Variants in CCDC149 observed in about 807,000 individuals in gnomAD.
CCDC149 encodes the protein coiled-coil domain containing 149.
Under a neutral mutation model 59.9 loss-of-function variants are expected in CCDC149, and 45 were observed. That is an observed-to-expected ratio of 0.75 (90% CI 0.59 to 0.96). The LOEUF (loss-of-function observed/expected upper bound fraction) is 0.96, where lower values mean the gene tolerates loss of function less well. CCDC149 is among the 40% of genes least tolerant of loss of function. The probability of loss-of-function intolerance (pLI) is 0.00; values close to 1 mark genes in which losing one functional copy is unlikely to be tolerated. For missense variants in CCDC149, 584 were observed against 664.7 expected, an observed-to-expected ratio of 0.88 and a Z score of 1.33; for synonymous variants, 245 against 260.6, an observed-to-expected ratio of 0.94 and a Z score of 0.58.
At chr4:24,843,967 T>C (rs938352279) in intron 4 of CCDC149, among the ~76,000 whole-genome samples, 1 of 152,142 alleles carries the variant, frequency 6.6e-6, no homozygotes, top group South Asian at 2.1e-4. Flanking sequence ...CCCTGGGCCT[T>C]TGCACTTCCT....
upstream of CCDC149, among the ~76,000 whole-genome samples, chr4:24,913,274 G>C (rs1051275504): frequency 6.6e-6 from 1 of 152,116 alleles, no homozygotes; most frequent in African/African-American, 2.4e-5. Flanking sequence ...TGTGTCCCCC[G>C]CAAGAAGCAA....
chr4:24,913,234 CG>C (rs1722006586), upstream of CCDC149, among the ~76,000 whole-genome samples: 2 of 152,126 alleles, frequency 1.3e-5, no homozygotes, highest in African/African-American at 2.4e-5. Context: ...CAGCGCTCTC[CG>C]CGCGGGAGGC....
At chr4:24,838,324 CA>C in intron 4 of CCDC149, 52 bp from the exon 5 acceptor site, 1 of 1,342,946 alleles carries the variant, frequency 7.4e-7, no homozygotes, top group African/African-American at 1.4e-5. Flanking sequence ...TAAACAGATC[CA>C]AATAAAAACC....
intron 1 of CCDC149, among the ~76,000 whole-genome samples, chr4:24,904,936 CTG>C (rs943441638): frequency 2.0e-5 from 3 of 152,182 alleles, no homozygotes; most frequent in African/African-American, 7.2e-5. Context: ...GAGTCGCACT[CTG>C]TCGCCCAGGC....
rs191129366 is a variant in CCDC149 at position 24,873,386 on chromosome 4, G to C, written c.264+295C>G. Among the ~76,000 whole-genome samples the C allele has an allele frequency of 2.0e-4, 30 of 152,356 alleles. No homozygotes were observed. In the East Asian group the frequency reaches 5.6e-3, roughly 28 times the overall value. ...TATATGCCCACAGCACGTGCCCACT[G>C]AACAGTAGGTAGCTCAAGTCCTGTA... On this transcript the variant is annotated intron_variant, in intron 3 of 12. Coordinates refer to ENST00000635206, the MANE Select transcript of CCDC149 (RefSeq NM_001330643.2).
At chr4:24,873,553 C>T in intron 3 of CCDC149, 128 bp downstream of exon 3, 1 of 722,874 alleles carries the variant, frequency 1.4e-6, no homozygotes, top group Non-Finnish European at 2.4e-6. Context: ...GAATCTCTAC[C>T]TACTCCTCCC....
At chr4:24,927,343 G>T (rs959196130) in intron 1 of CCDC149, among the ~76,000 whole-genome samples, 2 of 152,184 alleles carry the variant, frequency 1.3e-5, no homozygotes, top group African/African-American at 4.8e-5. Flanking sequence ...AAAAAGAAAA[G>T]TTGAAACGTA....
In CCDC149 at chr4:24,837,586, C is replaced by T. The variant is rs1388849899; in HGVS notation, c.490-186G>A. Reference sequence around the variant, plus strand: ...GCTAAAAGCGAGGGATGACTTCCTGCCAGACATTCATTATATTTAAGACAG... The same window carrying T: ...GCTAAAAGCGAGGGATGACTTCCTGTCAGACATTCATTATATTTAAGACAG... On this transcript the variant is annotated intron_variant, in intron 5 of 12. Coordinates refer to ENST00000635206, the MANE Select transcript of CCDC149 (RefSeq NM_001330643.2). This position sits in a 1 kb window ranked among gnomAD's most constrained non-coding sequence, Gnocchi z 4.3. Among the ~76,000 whole-genome samples the T allele has an allele frequency of 6.6e-6, 1 of 152,160 alleles. No homozygotes were observed. Among genetic ancestry groups the T allele is most frequent in the Non-Finnish European group, 1.5e-5 (1 of 68,026 alleles).
intron 9 of CCDC149, chr4:24,827,905 T>A (rs528060303): frequency 6.6e-6 from 1 of 152,258 alleles, no homozygotes; most frequent in African/African-American, 2.4e-5. Context: ...TAATTATTAT[T>A]TTTTTCTAAG....
intron 1 of CCDC149, among the ~76,000 whole-genome samples, chr4:24,906,631 C>T (rs1023711945): frequency 6.6e-6 from 1 of 151,904 alleles, no homozygotes; most frequent in African/African-American, 2.4e-5. Flanking sequence ...CTCCTGATCT[C>T]GGGTGATACG....
rs554706415 is a variant in CCDC149 at position 24,947,304 on chromosome 4, T to C, written c.-65+32765A>G. ...TGTTCTCATGATAGTGAGTGAGTTC[T>C]CATGAGATCTGATGGTTTTATAAGG... is the stretch of plus-strand genomic sequence containing the variant. On this transcript the variant is annotated intron_variant, in intron 1 of 12. Coordinates refer to the CCDC149 transcript ENST00000389609. 5.3e-5 allele frequency among the ~76,000 whole-genome samples: 8 copies of C among 152,280 alleles called. No homozygotes were observed. The South Asian group carries it at 8.3e-4, about 16-fold the overall frequency.
At chr4:24,818,344 T>C (rs1191684203) in intron 12 of CCDC149, among the ~76,000 whole-genome samples, 2 of 152,088 alleles carry the variant, frequency 1.3e-5, no homozygotes, top group African/African-American at 2.4e-5. Context: ...CTCTGGGAAA[T>C]GTGGGTGTAA....
chr4:24,909,452 C>G (rs1425154808), intron 1 of CCDC149, among the ~76,000 whole-genome samples: 1 of 152,216 alleles, frequency 6.6e-6, no homozygotes, highest in Non-Finnish European at 1.5e-5. Context: ...CATGGAACCC[C>G]TGCCAGCCAA....
At position 24,837,323 on chromosome 4, in the gene CCDC149, C is replaced by A; in HGVS notation, c.567G>T (p.Gln189His). 4 of 1,614,180 alleles carry A rather than the reference C, an allele frequency of 2.5e-6. No homozygotes were observed. Among genetic ancestry groups the A allele is most frequent in the Non-Finnish European group, 3.4e-6 (4 of 1,180,040 alleles). The change falls in exon 6 of 13, where the codon CAG (glutamine) becomes CAT (histidine). Residue 189 changes from glutamine to histidine, a missense_variant. Coordinates refer to ENST00000635206, the MANE Select transcript of CCDC149 (RefSeq NM_001330643.2). This position sits in a 1 kb window ranked among gnomAD's most constrained non-coding sequence, Gnocchi z 4.3. Reference sequence around the variant, plus strand: ...CCTGGTTGAGCCTCTCCACTTTGTCCTGGTAGGAAGACCGTTCTTCTTTAA... The same window carrying A: ...CCTGGTTGAGCCTCTCCACTTTGTCATGGTAGGAAGACCGTTCTTCTTTAA...
At chr4:24,947,841 A>G (rs1723163423) in intron 1 of CCDC149, among the ~76,000 whole-genome samples, 1 of 151,626 alleles carries the variant, frequency 6.6e-6, no homozygotes, top group Non-Finnish European at 1.5e-5. Flanking sequence ...TTTTTATTGC[A>G]GATAGTTAGT....
intron 1 of CCDC149, among the ~76,000 whole-genome samples, chr4:24,935,771 G>A (rs1282848440): frequency 1.3e-5 from 2 of 152,158 alleles, no homozygotes; most frequent in Non-Finnish European, 2.9e-5. Flanking sequence ...AGTCAGAAAA[G>A]ACTAGACACA....
intron 1 of CCDC149, among the ~76,000 whole-genome samples, chr4:24,964,268 T>C (rs578174762): frequency 3.8e-4 from 57 of 150,370 alleles, no homozygotes; most frequent in African/African-American, 1.3e-3. Flanking sequence ...AAAAGTCCAC[T>C]GTATGGCCTC....
At chr4:24,836,323 T>C in intron 7 of CCDC149, 113 bp downstream of exon 7, 1 of 744,474 alleles carries the variant, frequency 1.3e-6, no homozygotes, top group Non-Finnish European at 2.4e-6. Context: ...AGACTCTATC[T>C]GGGAGGGCAG....
At chr4:24,848,098 A>G (rs1313112765) in intron 4 of CCDC149, among the ~76,000 whole-genome samples, 1 of 152,020 alleles carries the variant, frequency 6.6e-6, no homozygotes, top group African/African-American at 2.4e-5. Context: ...GAGTAGCATG[A>G]TGAAATCTCG....
Sources: allele counts gnomAD v4.1 joint callset (sites outside exome capture counted in the v4.1 genomes callset), GRCh38; gene constraint gnomAD v4.1.1; non-coding constraint Gnocchi (gnomAD v3.1); transcripts MANE v1.5; gene names NCBI Gene and HGNC (gene_info 2026-07-23, HGNC 2026-07-21).